The following DIAPH2 variants were observed in gnomAD, a reference collection of about 807,000 sequenced individuals.
DIAPH2 encodes diaphanous related formin 2.
DIAPH2 carries 35 observed loss-of-function variants against 92.7 expected under a neutral mutation model. The ratio of observed to expected loss-of-function variants is 0.38; its 90% CI spans 0.29 to 0.50. The LOEUF (loss-of-function observed/expected upper bound fraction) is 0.50. DIAPH2 is among the 20% of genes least tolerant of loss of function. DIAPH2 has a pLI of 0.94. For synonymous variants in DIAPH2, 301 were observed against 280.4 expected, an observed-to-expected ratio of 1.07 and a Z score of -0.73; for missense variants, 701 against 819.5, an observed-to-expected ratio of 0.86 and a Z score of 1.77.
chrX:96,849,699 A>G (rs781769327), intron 4 of DIAPH2, among the ~76,000 whole-genome samples: 60 of 111,923 alleles, frequency 5.4e-4, no homozygotes, highest in African/African-American at 1.9e-3. Flanking sequence ...TACTGATAAA[A>G]TCCTTTCTCA....
intron 26 of DIAPH2, among the ~76,000 whole-genome samples, chrX:97,559,452 T>C (rs750853808): frequency 1.6e-4 from 17 of 104,307 alleles, no homozygotes; most frequent in Non-Finnish European, 3.1e-4. Flanking sequence ...ATCATGCCAC[T>C]GCGCTCCAGC....
chrX:96,945,468 G>T (rs960354767), intron 13 of DIAPH2, 59 bp from the exon 14 acceptor site: 5 of 866,226 alleles, frequency 5.8e-6, no homozygotes, highest in Non-Finnish European at 8.2e-6. Context: ...GCTAGAAGAC[G>T]TCTTTTGTCT....
chrX:96,840,631 C>T (rs183442120), intron 4 of DIAPH2, among the ~76,000 whole-genome samples: 21 of 110,356 alleles, frequency 1.9e-4, no homozygotes, highest in Non-Finnish European at 3.4e-4. Flanking sequence ...ATTTTTGAGA[C>T]GGAGTCTGGC....
At chrX:96,976,784 A>G (rs2065964801) in intron 17 of DIAPH2, among the ~76,000 whole-genome samples, 1 of 111,055 alleles carries the variant, frequency 9.0e-6, no homozygotes, top group Non-Finnish European at 1.9e-5. Flanking sequence ...ATATAATACC[A>G]TCTCTACAAC....
chrX:97,397,222 C>T lies in DIAPH2; in HGVS notation c.3145+13178C>T, dbSNP rs368730383. 2.8e-4 allele frequency among the ~76,000 whole-genome samples: 31 copies of T among 111,648 alleles called. No homozygotes were observed. In the South Asian group the frequency reaches 5.2e-3, roughly 19 times the overall value. Reference sequence around the variant, plus strand: ...CAACAGTAGGTTTCATATGCTATTTCGTAACAGCTTAGAAGATGATGGTAT... The same window carrying T: ...CAACAGTAGGTTTCATATGCTATTTTGTAACAGCTTAGAAGATGATGGTAT... On this transcript the variant is annotated intron_variant, in intron 25 of 26. Coordinates refer to ENST00000324765, the MANE Select transcript of DIAPH2 (RefSeq NM_006729.5).
chrX:96,893,272 G>A (rs1404018146), intron 5 of DIAPH2, among the ~76,000 whole-genome samples: 1 of 111,507 alleles, frequency 9.0e-6, no homozygotes, highest in Non-Finnish European at 1.9e-5. Flanking sequence ...ACAATGTCAG[G>A]TAATGATTTG....
intron 15 of DIAPH2, among the ~76,000 whole-genome samples, chrX:96,951,325 T>G (rs2065773431): frequency 8.9e-6 from 1 of 111,744 alleles, no homozygotes; most frequent in Non-Finnish European, 1.9e-5. Flanking sequence ...CACCAAAAAC[T>G]CCATTAGCGA....
intron 17 of DIAPH2, among the ~76,000 whole-genome samples, chrX:97,043,211 G>T (rs2066459050): frequency 9.0e-6 from 1 of 111,529 alleles, no homozygotes; most frequent in Non-Finnish European, 1.9e-5. Flanking sequence ...AAGCTGTGAT[G>T]AGTTATTTTG....
chrX:97,274,729 A>C (rs2068424035), intron 23 of DIAPH2, among the ~76,000 whole-genome samples: 1 of 108,852 alleles, frequency 9.2e-6, no homozygotes, highest in Admixed American at 9.9e-5. Context: ...AGTGGAGGGA[A>C]GGTCAGCAGA....
At chrX:97,378,377 C>T (rs111876745) in intron 24 of DIAPH2, among the ~76,000 whole-genome samples, 1,763 of 97,208 alleles carry the variant, frequency 0.018, 41 homozygotes, top group African/African-American at 0.065. Context: ...AGTGAGACTC[C>T]GTCTCAAAAA....
At chrX:97,263,472 C>T (rs1367282662) in intron 23 of DIAPH2, among the ~76,000 whole-genome samples, 4 of 111,426 alleles carry the variant, frequency 3.6e-5, no homozygotes, top group South Asian at 7.4e-4. Context: ...TATTGAGCAC[C>T]AGCCATGTGC....
intron 4 of DIAPH2, among the ~76,000 whole-genome samples, chrX:96,824,655 A>G (rs886283863): frequency 3.6e-5 from 4 of 111,753 alleles, no homozygotes; most frequent in Non-Finnish European, 5.6e-5. Context: ...TCAAAAGACC[A>G]ATCTCAGGAG....
rs756399929 is a variant in DIAPH2 at position 97,208,943 on chromosome X, T to C, written c.2720-38772T>C. Among the ~76,000 whole-genome samples the C allele has an allele frequency of 1.7e-4, 19 of 110,368 alleles. No individual in the cohort carries two copies. In the South Asian group the frequency reaches 7.0e-3, roughly 41 times the overall value. On this transcript the variant is annotated intron_variant, in intron 22 of 26. Coordinates refer to ENST00000324765, the MANE Select transcript of DIAPH2 (RefSeq NM_006729.5). Reference sequence around the variant, plus strand: ...TAGGTAATGTTTATAGGTCTTCATTTGCATTTATTACCCTTAACTTTTTAA... The same window carrying C: ...TAGGTAATGTTTATAGGTCTTCATTCGCATTTATTACCCTTAACTTTTTAA...
At chrX:97,480,671 G>A (rs1019653459) in intron 26 of DIAPH2, among the ~76,000 whole-genome samples, 15 of 110,619 alleles carry the variant, frequency 1.4e-4, no homozygotes, top group Non-Finnish European at 2.7e-4. Flanking sequence ...CATTCCTTAC[G>A]AGATCAGGAC....
intron 23 of DIAPH2, among the ~76,000 whole-genome samples, chrX:97,318,482 C>CTTTTTTTTTTTT (rs745350367): frequency 2.2e-5 from 1 of 46,326 alleles, no homozygotes; most frequent in Non-Finnish European, 4.0e-5. Context: ...TTTTTCTTTA[C>CTTTTTTTTTTTT]TTTTTTTTTT....
chrX:97,492,145 A>T (rs2070729529), intron 26 of DIAPH2, among the ~76,000 whole-genome samples: 1 of 111,979 alleles, frequency 8.9e-6, no homozygotes, highest in African/African-American at 3.2e-5. Flanking sequence ...GTCCACCATT[A>T]TTGTAGTATC....
intron 14 of DIAPH2, 90 bp from the exon 15 acceptor site, chrX:96,948,845 A>G: frequency 2.1e-6 from 1 of 471,409 alleles, no homozygotes; most frequent in Non-Finnish European, 3.2e-6. Context: ...TCAACTAAGT[A>G]AAAACCACTC....
In DIAPH2 at chrX:97,034,861, C is replaced by G. The variant is rs769327274; in HGVS notation, c.2051-38080C>G. Among the ~76,000 whole-genome samples the G allele has an allele frequency of 1.2e-3, 138 of 110,790 alleles. 1 individual carries two copies. Among genetic ancestry groups the G allele is most frequent in the African/African-American group, 4.3e-3 (132 of 30,529 alleles). On this transcript the variant is annotated intron_variant, in intron 17 of 26. Transcript: ENST00000324765. ...TAGACATTGTTGGTCTCAGAGGTCC[C>G]CATTAAAAAGAATAAGAGTTGCTAC...
intron 26 of DIAPH2, among the ~76,000 whole-genome samples, chrX:97,597,371 G>C (rs183575404): frequency 8.9e-6 from 1 of 112,325 alleles, no homozygotes; most frequent in Non-Finnish European, 1.9e-5. Context: ...ACACCAGTAA[G>C]TTGCAGGTTG....
Sources: gnomAD v4.1 joint callset for allele counts (sites outside exome capture counted in the v4.1 genomes callset) on GRCh38, gnomAD v4.1.1 for gene constraint, MANE v1.5 for transcripts, NCBI Gene and HGNC (gene_info 2026-07-23, HGNC 2026-07-21) for gene names.